Variants in DSC1 observed in about 807,000 individuals in gnomAD.
DSC1 encodes the protein desmocollin-1.
Under a neutral mutation model 98.8 loss-of-function variants are expected in DSC1, and 79 were observed. That is an observed-to-expected ratio of 0.80 (90% CI 0.67 to 0.96). The LOEUF (loss-of-function observed/expected upper bound fraction) is 0.96. Ranked by LOEUF, DSC1 falls within the 50% of genes least tolerant of loss-of-function variation. DSC1 has a pLI of 0.00. For synonymous variants in DSC1, 405 were observed against 372.1 expected (o/e 1.09, Z -1.02); for missense variants, 1,115 against 1,075.9 (o/e 1.04, Z -0.51).
chr18:31,156,787 C>G lies in DSC1; in HGVS notation c.351+584G>C, dbSNP rs77188713. Among the ~76,000 whole-genome samples the G allele has an allele frequency of 2.3e-3, 355 of 152,254 alleles. 9 individuals carry two copies. The East Asian group carries it at 0.042, about 18-fold the overall frequency. ...GAAAATGAGATGTGAATTCCAGCAA[C>G]TTTTTCCTCCCTGCTTTCTGAACTG... On this transcript the variant is annotated intron_variant, in intron 3 of 15. Coordinates refer to ENST00000257198, the MANE Select transcript of DSC1 (RefSeq NM_024421.2).
intron 11 of DSC1, among the ~76,000 whole-genome samples, chr18:31,138,832 T>C (rs1468158695): frequency 6.6e-6 from 1 of 151,974 alleles, no homozygotes; most frequent in African/African-American, 2.4e-5. Flanking sequence ...GTGGAAACCT[T>C]CTTGGATTAG....
intron 3 of DSC1, 31 bp from the exon 4 acceptor site, chr18:31,156,193 C>G (rs200242293): frequency 2.4e-5 from 38 of 1,591,582 alleles, no homozygotes; most frequent in Non-Finnish European, 3.1e-5. Flanking sequence ...AGAAATGTAG[C>G]ATTGCTTATC....
chr18:31,138,697 C>T lies in DSC1; in HGVS notation c.1663+1051G>A, dbSNP rs182587509. On this transcript the variant is annotated intron_variant, in intron 11 of 15. Transcript: ENST00000257198. ...ACTTATATTAATTACCATGGAATTT[C>T]ATATGTATTTATTAATACAGTCAAC... Among the ~76,000 whole-genome samples, 192 of 151,578 alleles carry T rather than the reference C, an allele frequency of 1.3e-3. 2 individuals are homozygous for T. Among genetic ancestry groups the T allele is most frequent in the African/African-American group, 4.3e-3 (180 of 41,426 alleles).
rs754606039 is a variant in DSC1 at position 31,132,698 on chromosome 18, C to CA, written c.2117-10dup. The CA allele has an allele frequency of 1.3e-6, 2 of 1,597,132 alleles. No homozygotes were observed. The highest frequency in any genetic ancestry group is 2.3e-5 in the South Asian group (2 of 88,298). ...ACATGTAAACAGAATACCTAAAAAGCAAAAAAGATCAAAGTAAAACACAGA... is the reference window on the plus strand; with the variant it reads ...ACATGTAAACAGAATACCTAAAAAGCAAAAAAAGATCAAAGTAAAACACAGA... On this transcript the variant is annotated splice_polypyrimidine_tract_variant and intron_variant, in intron 13 of 15. Coordinates refer to ENST00000257198, the MANE Select transcript of DSC1 (RefSeq NM_024421.2).
chr18:31,141,679 T>TGC (rs33981754), intron 9 of DSC1, among the ~76,000 whole-genome samples: 2 of 14,422 alleles, frequency 1.4e-4, no homozygotes, highest in African/African-American at 8.0e-4. Context: ...TTTCTTCTTT[T>TGC]GTGTTCTTAT....
intron 11 of DSC1, among the ~76,000 whole-genome samples, chr18:31,137,683 C>T (rs187182211): frequency 6.6e-6 from 1 of 152,120 alleles, no homozygotes; most frequent in African/African-American, 2.4e-5. Context: ...TAATTGTTAT[C>T]CCCAGTTCAA....
intron 6 of DSC1, among the ~76,000 whole-genome samples, chr18:31,147,153 A>T (rs1001200864): frequency 6.6e-6 from 1 of 150,568 alleles, no homozygotes; most frequent in Admixed American, 6.6e-5. Context: ...AATCAGTTTA[A>T]TTTTTTTTTT....
Position 31,131,733 on chromosome 18 carries a change from A to G in DSC1, c.2348T>C (p.Val783Ala), listed in dbSNP as rs1352673673. 1.9e-6 allele frequency: 3 copies of G among 1,614,052 alleles called. No individual in the cohort carries two copies. The highest frequency in any genetic ancestry group is 2.5e-6 in the Non-Finnish European group (3 of 1,179,976). The change falls in exon 15 of 16, where the codon GTC becomes GCC. Residue 783 changes from valine (V) to alanine (A), a missense_variant. By Grantham distance (64) the Val-to-Ala change is moderately conservative. Coordinates refer to ENST00000257198, the MANE Select transcript of DSC1 (RefSeq NM_024421.2). ...GGAATCCAAAGTGTAGCCTCCTTTG[A>G]CCATCTCAAAACTTTGCTGTGTTTT... ...GIKTQQSFEMVKGGYTLDSNK... is the reference protein window; with the variant it reads ...GIKTQQSFEMAKGGYTLDSNK...
intron 1 of DSC1, among the ~76,000 whole-genome samples, chr18:31,160,321 A>ATT (rs1989185997): frequency 6.6e-6 from 1 of 152,328 alleles, no homozygotes; most frequent in South Asian, 2.1e-4. Context: ...TCTTTATCAA[A>ATT]ATAACTGCTT....
In DSC1 at chr18:31,134,019, C is replaced by G. The variant is rs199628832; in HGVS notation, c.1988G>C (p.Arg663Thr). ...GLVATHMLTV[R>T]VCDCSTPSEC... is the part of the protein sequence containing the mutation. The stretch of plus-strand genomic sequence containing the variant: ...AGATGGAGTTGAACAGTCACATACT[C>G]TCACTGTTAACATATGTGTTGCAAC... Residue 663 changes from arginine (R) to threonine (T), a missense_variant, in exon 13 of 16, where the codon AGA (arginine) becomes ACA (threonine). Physicochemically the swap from Arg to Thr is moderately conservative, Grantham distance 71. Transcript: ENST00000257198. 2.6e-5 allele frequency: 42 copies of G among 1,613,072 alleles called. No homozygotes were observed. The highest frequency in any genetic ancestry group is 4.2e-6 in the Non-Finnish European group (5 of 1,179,652).
At position 31,162,736 on chromosome 18, in the gene DSC1, C is replaced by A. The variant is rs1342902596; in HGVS notation, c.-142G>T. 1.5e-6 allele frequency: 1 copy of A among 677,824 alleles called. No individual in the cohort carries two copies. The highest frequency in any genetic ancestry group is 2.6e-6 in the Non-Finnish European group (1 of 384,326). 42.0% of individuals were successfully genotyped at this position (677,824 alleles called of 1,614,324 possible). A position where few individuals can be genotyped will look rare whatever the true frequency, so the allele number is the denominator to read the frequency against. On this transcript the variant is annotated 5_prime_UTR_variant, in exon 1 of 16. Coordinates refer to ENST00000257198, the MANE Select transcript of DSC1 (RefSeq NM_024421.2). ...AGCTGAGCTTGGTTTGGAAGACAGTCCGGAGGCAAGTGATAAACAGTAGGA... is the reference window on the plus strand; with the variant it reads ...AGCTGAGCTTGGTTTGGAAGACAGTACGGAGGCAAGTGATAAACAGTAGGA...
rs142676849 is a variant in DSC1 at position 31,159,460 on chromosome 18, T to C, written c.133A>G (p.Thr45Ala). The change falls in exon 2 of 16, where the codon ACA (threonine) becomes GCA (alanine). Residue 45 changes from threonine to alanine, a missense_variant. Coordinates refer to ENST00000257198, the MANE Select transcript of DSC1 (RefSeq NM_024421.2). ...TGTTTCTCACCTTTGCCTACAAGTGTTTCAGCCTGAAGATGAGAAGGAACT... is the reference window on the plus strand; with the variant it reads ...TGTTTCTCACCTTTGCCTACAAGTGCTTCAGCCTGAAGATGAGAAGGAACT... The part of the protein sequence containing the change: ...LRVPSHLQAE[T>A]LVGKVNLEEC... The C allele has an allele frequency of 1.2e-6, 2 of 1,613,464 alleles. No individual in the cohort carries two copies. The highest frequency in any genetic ancestry group is 2.2e-5 in the East Asian group (1 of 44,846).
At chr18:31,150,473 GCAT>G (rs1393534176) in intron 5 of DSC1, among the ~76,000 whole-genome samples, 3 of 71,172 alleles carry the variant, frequency 4.2e-5, no homozygotes, top group Admixed American at 1.9e-4. Context: ...ATCATCACCA[GCAT>G]CATCATCAGC....
At position 31,131,699 on chromosome 18, in the gene DSC1, T is replaced by G; in HGVS notation, c.2382A>C (p.Gly794=). 1 of 1,614,120 alleles carries G rather than the reference T, an allele frequency of 6.2e-7. No individual in the cohort carries two copies. Among genetic ancestry groups the G allele is most frequent in the Non-Finnish European group, 8.5e-7 (1 of 1,179,988 alleles). Residue 794 remains glycine (G), a synonymous_variant, in exon 15 of 16, where the codon GGA becomes GGC. Coordinates refer to ENST00000257198, the MANE Select transcript of DSC1 (RefSeq NM_024421.2). The part of the protein sequence containing the change: ...KGGYTLDSNK[G]GGHQTLESVK... Reference sequence around the variant, plus strand: ...CGGACTCCAAGGTCTGATGTCCACCTCCTTTGTTGGAATCCAAAGTGTAGC... The same window carrying G: ...CGGACTCCAAGGTCTGATGTCCACCGCCTTTGTTGGAATCCAAAGTGTAGC...
chr18:31,154,740 A>T, intron 5 of DSC1, 34 bp downstream of exon 5: 1 of 1,528,962 alleles, frequency 6.5e-7, no homozygotes. Context: ...AGTAATAAAG[A>T]TATAATTATG....
At chr18:31,144,091 G>A (rs892822640) in intron 7 of DSC1, among the ~76,000 whole-genome samples, 1 of 151,918 alleles carries the variant, frequency 6.6e-6, no homozygotes, top group Non-Finnish European at 1.5e-5. Context: ...TGTATTTTTA[G>A]TAGAGACAGG....
chr18:31,142,221 C>G lies in DSC1; in HGVS notation c.1075-37G>C, dbSNP rs762754019. 1.2e-5 allele frequency: 19 copies of G among 1,574,204 alleles called. No homozygotes were observed. In the African/African-American group the frequency reaches 2.1e-4, roughly 17 times the overall value. On this transcript the variant is annotated intron_variant, in intron 8 of 15. Transcript: ENST00000257198. Reference sequence around the variant, plus strand: ...GCCCCTTATTATTATCAATTTACAACTTTGACAATGTAGCTTTATATTCTA... The same window carrying G: ...GCCCCTTATTATTATCAATTTACAAGTTTGACAATGTAGCTTTATATTCTA...
At chr18:31,139,941 TC>T in intron 10 of DSC1, 51 bp from the exon 11 acceptor site, 1 of 1,565,510 alleles carries the variant, frequency 6.4e-7, no homozygotes, top group South Asian at 1.2e-5. Context: ...AGGGACATGA[TC>T]TTAAAATCTG....
chr18:31,134,353 T>C (rs1240523399), intron 12 of DSC1, among the ~76,000 whole-genome samples: 2 of 152,076 alleles, frequency 1.3e-5, no homozygotes, highest in African/African-American at 4.8e-5. Flanking sequence ...AAATGTTAAT[T>C]AAAAAGGGAC....
Sources: allele counts gnomAD v4.1 joint callset (sites outside exome capture counted in the v4.1 genomes callset), GRCh38; gene constraint gnomAD v4.1.1; transcripts MANE v1.5; gene names NCBI Gene and HGNC (gene_info 2026-07-23, HGNC 2026-07-21).